Variants in FSTL5 observed in about 807,000 individuals in gnomAD.
FSTL5 encodes follistatin-related protein 5.
In FSTL5, 62 loss-of-function variants were observed where a neutral mutation model predicts 89.1. The ratio of observed to expected loss-of-function variants is 0.70; its 90% confidence interval spans 0.57 to 0.86. The LOEUF is 0.86. Among genes scored for constraint, FSTL5 ranks in the 40% least tolerant of loss-of-function variants. FSTL5 has a pLI of 0.00. For missense variants in FSTL5, 1,057 were observed against 1,001.6 expected (o/e 1.06, Z -0.75); for synonymous variants, 383 against 346.2 (o/e 1.11, Z -1.18).
In FSTL5 at chr4:161,446,780, T is replaced by C. The variant is rs147583579; in HGVS notation, c.1841+8224A>G. Among the ~76,000 whole-genome samples, 1,291 of 152,114 alleles carry C rather than the reference T, an allele frequency of 8.5e-3. 17 individuals are homozygous for C. The highest frequency in any genetic ancestry group is 0.029 in the African/African-American group (1,215 of 41,546). ...TGCCCCTCTCTTGTGGTGTATTCATTACATCGTATCTTAACTTCTGACATA... is the reference window on the plus strand; with the variant it reads ...TGCCCCTCTCTTGTGGTGTATTCATCACATCGTATCTTAACTTCTGACATA... On this transcript the variant is annotated intron_variant, in intron 15 of 15. Transcript: ENST00000306100.
At chr4:161,415,423 T>C (rs1235049591) in intron 15 of FSTL5, among the ~76,000 whole-genome samples, 1 of 152,066 alleles carries the variant, frequency 6.6e-6, no homozygotes, top group Non-Finnish European at 1.5e-5. Context: ...GCCTGGATAA[T>C]TTTTGTAGAT....
chr4:161,446,862 G>C (rs1732964748), intron 15 of FSTL5, among the ~76,000 whole-genome samples: 1 of 151,924 alleles, frequency 6.6e-6, no homozygotes, highest in African/African-American at 2.4e-5. Context: ...AGGAAACGGA[G>C]TAATCTCTGC....
chr4:161,545,255 T>C (rs1056291090), intron 8 of FSTL5, among the ~76,000 whole-genome samples: 41 of 152,016 alleles, frequency 2.7e-4, no homozygotes, highest in African/African-American at 8.4e-4. Context: ...TCAAGAATAG[T>C]TCCCAAAGCA....
intron 5 of FSTL5, among the ~76,000 whole-genome samples, chr4:161,768,016 C>T (rs1358049216): frequency 6.6e-6 from 1 of 152,082 alleles, no homozygotes; most frequent in Non-Finnish European, 1.5e-5. Context: ...TGATAAGTTC[C>T]CCACCCTATC....
intron 4 of FSTL5, among the ~76,000 whole-genome samples, chr4:161,885,423 GC>G (rs1370323102): frequency 6.6e-6 from 1 of 151,818 alleles, no homozygotes; most frequent in Non-Finnish European, 1.5e-5. Flanking sequence ...GCAAAAAAAA[GC>G]CTTACCATAT....
chr4:161,568,020 T>G (rs1732878271), intron 8 of FSTL5, among the ~76,000 whole-genome samples: 1 of 151,796 alleles, frequency 6.6e-6, no homozygotes, highest in Non-Finnish European at 1.5e-5. Context: ...TGCATTCTAT[T>G]CTGCTCTCTT....
chr4:161,674,399 T>G (rs1737227318), intron 6 of FSTL5, among the ~76,000 whole-genome samples: 1 of 152,132 alleles, frequency 6.6e-6, no homozygotes. Context: ...AAAAATGTCT[T>G]GTGGAGAATC....
intron 3 of FSTL5, among the ~76,000 whole-genome samples, chr4:161,945,704 A>G (rs1281230781): frequency 2.6e-5 from 4 of 152,186 alleles, no homozygotes; most frequent in African/African-American, 9.6e-5. Context: ...GTGAGCCAAG[A>G]TGGTGCCATT....
intron 2 of FSTL5, among the ~76,000 whole-genome samples, chr4:162,052,701 G>A (rs17041894): frequency 0.011 from 1,627 of 151,868 alleles, 28 homozygotes; most frequent in African/African-American, 0.037. Flanking sequence ...ACAGTGCTGA[G>A]TGAAAAATTA....
At chr4:162,123,760 A>G (rs1731960407) in intron 1 of FSTL5, among the ~76,000 whole-genome samples, 2 of 152,196 alleles carry the variant, frequency 1.3e-5, no homozygotes, top group Admixed American at 6.5e-5. Flanking sequence ...GTTTGTTTTC[A>G]GCAAGAGACA....
chr4:161,886,697 A>G (rs1439382204), intron 4 of FSTL5, among the ~76,000 whole-genome samples: 1 of 152,158 alleles, frequency 6.6e-6, no homozygotes, highest in Non-Finnish European at 1.5e-5. Flanking sequence ...AACATTAATA[A>G]TTCATTTATC....
chr4:161,913,758 C>A (rs181162709), intron 4 of FSTL5, among the ~76,000 whole-genome samples: 6 of 152,074 alleles, frequency 3.9e-5, no homozygotes, highest in African/African-American at 1.2e-4. Flanking sequence ...GACTGCCCTG[C>A]GGGATTTTGG....
chr4:161,981,628 T>C (rs1277430072), intron 3 of FSTL5, among the ~76,000 whole-genome samples: 1 of 152,218 alleles, frequency 6.6e-6, no homozygotes, highest in East Asian at 1.9e-4. Flanking sequence ...CATATGATTG[T>C]ATTCTCAACA....
chr4:161,848,952 G>A (rs754642201), intron 4 of FSTL5, among the ~76,000 whole-genome samples: 1 of 152,118 alleles, frequency 6.6e-6, no homozygotes, highest in Non-Finnish European at 1.5e-5. Flanking sequence ...GTCATGTGGT[G>A]AAAACTGCCA....
In FSTL5 at chr4:161,510,456, G is replaced by GA. The variant is rs781394124; in HGVS notation, c.1313-33dup. 5.3e-5 allele frequency: 72 copies of GA among 1,365,304 alleles called. 1 individual carries two copies. The South Asian group carries it at 9.6e-4, about 18-fold the overall frequency. The allele number at this position is 1,365,304 out of a possible 1,614,324, so 84.6% of individuals were successfully genotyped here. A position where few individuals can be genotyped will look rare whatever the true frequency, so the allele number is the denominator to read the frequency against. ...CATGTTGAAAGAAAAAGAAGAAAAA[G>GA]AAAAATGAGTAAAGAGAGCTTTTGC... On this transcript the variant is annotated intron_variant, in intron 10 of 15. Coordinates refer to ENST00000306100, the MANE Select transcript of FSTL5 (RefSeq NM_020116.5).
At chr4:162,004,093 T>C (rs555914948) in intron 3 of FSTL5, among the ~76,000 whole-genome samples, 217 of 152,324 alleles carry the variant, frequency 1.4e-3, no homozygotes, top group Middle Eastern at 3.4e-3. Context: ...CTTTTCTTTA[T>C]AGAAATGAAT....
At chr4:161,766,517 T>G (rs11942761) in intron 5 of FSTL5, among the ~76,000 whole-genome samples, 31,845 of 152,050 alleles carry the variant, frequency 0.21, 6,129 homozygotes, top group African/African-American at 0.51. Flanking sequence ...TTCCCCATAT[T>G]GCTCTGCACA....
intron 15 of FSTL5, among the ~76,000 whole-genome samples, chr4:161,453,460 T>G (rs190647746): frequency 1.3e-5 from 2 of 152,278 alleles, no homozygotes; most frequent in East Asian, 3.9e-4. Context: ...AGACAGCATC[T>G]TAAGTGGTAC....
chr4:161,855,657 C>T (rs1393224351), intron 4 of FSTL5, among the ~76,000 whole-genome samples: 1 of 151,982 alleles, frequency 6.6e-6, no homozygotes, highest in Admixed American at 6.6e-5. Flanking sequence ...TAATTGTAGG[C>T]TTTTTTCCTC....
Sources: gnomAD v4.1 joint callset for allele counts (sites outside exome capture counted in the v4.1 genomes callset) on GRCh38, gnomAD v4.1.1 for gene constraint, MANE v1.5 for transcripts, NCBI Gene and HGNC (gene_info 2026-07-23, HGNC 2026-07-21) for gene names.